Variants in MSI2 observed in about 807,000 individuals in gnomAD.
MSI2 encodes the protein musashi RNA binding protein 2, also known as RNA-binding protein Musashi homolog 2.
MSI2 carries 17 observed loss-of-function variants against 45.6 expected under a neutral mutation model. That is an observed-to-expected ratio of 0.37 (90% CI 0.26 to 0.56). The LOEUF (loss-of-function observed/expected upper bound fraction) is 0.56, where lower values mean the gene tolerates loss of function less well. Among genes scored for constraint, MSI2 ranks in the 20% least tolerant of loss-of-function variants. The probability of loss-of-function intolerance (pLI) is 0.77; values close to 1 mark genes in which losing one functional copy is unlikely to be tolerated. For missense variants in MSI2, 293 were observed against 444.2 expected (o/e 0.66, Z 3.06); for synonymous variants, 156 against 158.2 (o/e 0.99, Z 0.11).
chr17:57,417,690 C>A (rs999720492), intron 6 of MSI2, among the ~76,000 whole-genome samples: 7 of 152,148 alleles, frequency 4.6e-5, no homozygotes, highest in Non-Finnish European at 1.0e-4. Context: ...ATTATTGCCT[C>A]CCGGATGTGA....
At chr17:57,276,730 A>G (rs1020417671) in intron 5 of MSI2, among the ~76,000 whole-genome samples, 7 of 152,140 alleles carry the variant, frequency 4.6e-5, no homozygotes, top group Non-Finnish European at 1.0e-4. Context: ...CTAGCTTCCT[A>G]AAAGGGCCAT....
chr17:57,592,674 A>G (rs1038677628), intron 7 of MSI2, among the ~76,000 whole-genome samples: 1 of 152,154 alleles, frequency 6.6e-6, no homozygotes, highest in African/African-American at 2.4e-5. Context: ...TTTTTGTGAT[A>G]CTTGAATTTT....
intron 6 of MSI2, among the ~76,000 whole-genome samples, chr17:57,471,609 G>A (rs1365399981): frequency 6.6e-6 from 1 of 152,154 alleles, no homozygotes; most frequent in African/African-American, 2.4e-5. Flanking sequence ...CCATGAGGTA[G>A]GCTGGTATTA....
At chr17:57,663,996 A>AT (rs1238024846) in intron 11 of MSI2, among the ~76,000 whole-genome samples, 1 of 149,686 alleles carries the variant, frequency 6.7e-6, no homozygotes, top group East Asian at 1.9e-4. Flanking sequence ...AGTGAGGATG[A>AT]TTAACAGCTT....
At position 57,257,432 on chromosome 17, in the gene MSI2, T is replaced by TCC. The variant is rs148540229; in HGVS notation, c.104-26_104-25dup. 4.8e-4 allele frequency: 500 copies of TCC among 1,034,150 alleles called. 1 individual carries two copies. Among genetic ancestry groups the TCC allele is most frequent in the Middle Eastern group, 2.9e-3 (13 of 4,534 alleles). The allele number at this position is 1,034,150 out of a possible 1,614,324, so 64.1% of individuals were successfully genotyped here. A position where few individuals can be genotyped will look rare whatever the true frequency, so the allele number is the denominator to read the frequency against. ...TTGCTTTTTTTTTCCACACCTTCTC[T>TCC]CCCCCCCCCATCTCTCTCTTTCTCT... On this transcript the variant is annotated intron_variant, in intron 2 of 13. Coordinates refer to ENST00000284073, the MANE Select transcript of MSI2 (RefSeq NM_138962.4).
intron 7 of MSI2, among the ~76,000 whole-genome samples, chr17:57,532,744 G>A (rs1396652369): frequency 6.6e-6 from 1 of 152,214 alleles, no homozygotes; most frequent in Non-Finnish European, 1.5e-5. Flanking sequence ...AAGTGCTGCA[G>A]TGGCAGAAGT....
rs2086193733 is a variant in MSI2 at position 57,504,879 on chromosome 17, C to T, written c.406-24797C>T. On this transcript the variant is annotated intron_variant, in intron 6 of 13. Transcript: ENST00000284073. Reference sequence around the variant, plus strand: ...CTGGGAGGCGGAGGTTGTGGTGAGCCGAGATCACACCATTGCACTCCAGCC... The same window carrying T: ...CTGGGAGGCGGAGGTTGTGGTGAGCTGAGATCACACCATTGCACTCCAGCC... Among the ~76,000 whole-genome samples the T allele has an allele frequency of 3.4e-5, 5 of 148,842 alleles. No homozygotes were observed. The South Asian group carries it at 1.1e-3, about 32-fold the overall frequency.
At chr17:57,492,862 G>A (rs1235120727) in intron 6 of MSI2, among the ~76,000 whole-genome samples, 9 of 152,204 alleles carry the variant, frequency 5.9e-5, no homozygotes, top group Non-Finnish European at 1.5e-5. Context: ...CTCCCAAAGT[G>A]TTGGGATTAC....
At chr17:57,696,347 C>T in the MSI2 span, among the ~76,000 whole-genome samples, 1 of 152,152 alleles carries the variant, frequency 6.6e-6, no homozygotes, top group Admixed American at 6.5e-5. Context: ...ACCATGGAAC[C>T]AGAGCAATCA....
chr17:57,498,400 A>G (rs1598335892), intron 6 of MSI2, among the ~76,000 whole-genome samples: 1 of 152,232 alleles, frequency 6.6e-6, no homozygotes. Flanking sequence ...CGGCCTTACC[A>G]TCTCAATTTG....
rs1034263850 is a variant in MSI2, at chr17:57,407,164, T to A, written c.405+5693T>A. On this transcript the variant is annotated intron_variant, in intron 6 of 13. Coordinates refer to ENST00000284073, the MANE Select transcript of MSI2 (RefSeq NM_138962.4). This position sits in a 1 kb window ranked among gnomAD's most constrained non-coding sequence, Gnocchi z 4.1. ...GGGGAAGAAAAAAAGAAAACAAGAG[T>A]GAATTGTTTTTTTTAATGTAATGAG... 2.0e-5 allele frequency: 3 copies of A among 150,368 alleles called. No individual in the cohort carries two copies. Among genetic ancestry groups the A allele is most frequent in the African/African-American group, 2.5e-5 (1 of 40,806 alleles). 9.3% of individuals were successfully genotyped at this position (150,368 alleles called of 1,614,324 possible).
intron 6 of MSI2, chr17:57,448,343 A>G (rs748613934): frequency 6.6e-6 from 1 of 152,240 alleles, no homozygotes; most frequent in Non-Finnish European, 1.5e-5. Context: ...TATTGTAACA[A>G]TCATGCACAT....
Position 57,652,084 on chromosome 17 carries a change from C to T in MSI2, c.728-15C>T, listed in dbSNP as rs868162018. 3 of 1,613,816 alleles carry T rather than the reference C, an allele frequency of 1.9e-6. No homozygotes were observed. Among genetic ancestry groups the T allele is most frequent in the Non-Finnish European group, 2.5e-6 (3 of 1,179,764 alleles). ...GGATTCCTCCATGACTCAGGCTCCT[C>T]TCTCTCCTGACCAGGCTTCCCAGCA... On this transcript the variant is annotated splice_polypyrimidine_tract_variant and intron_variant, in intron 10 of 13. Transcript: ENST00000284073. This position sits in a 1 kb window ranked among gnomAD's most constrained non-coding sequence, Gnocchi z 4.1.
At chr17:57,551,615 C>G (rs149918452) in intron 7 of MSI2, among the ~76,000 whole-genome samples, 1 of 152,118 alleles carries the variant, frequency 6.6e-6, no homozygotes, top group Non-Finnish European at 1.5e-5. Context: ...TGTTCCCACA[C>G]CCCCCTCTTC....
At chr17:57,435,195 G>A (rs528597104) in intron 6 of MSI2, among the ~76,000 whole-genome samples, 5 of 152,146 alleles carry the variant, frequency 3.3e-5, no homozygotes, top group South Asian at 2.1e-4. Context: ...TCAGAAGCTG[G>A]TTTTGAAGCT....
chr17:57,681,906 G>T lies in MSI2; in HGVS notation c.*2389G>T, dbSNP rs1452429959. 1 of 206,692 alleles carries T rather than the reference G, an allele frequency of 4.8e-6. No individual in the cohort carries two copies. Among genetic ancestry groups the T allele is most frequent in the East Asian group, 7.3e-5 (1 of 13,676 alleles). 12.8% of individuals were successfully genotyped at this position (206,692 alleles called of 1,614,324 possible). A position where few individuals can be genotyped will look rare whatever the true frequency, so the allele number is the denominator to read the frequency against. Reference sequence around the variant, plus strand: ...ATTTAATTCCTATTTTGTCCATGTTGGTGATGTACTGTACTTCCCTTCCTT... The same window carrying T: ...ATTTAATTCCTATTTTGTCCATGTTTGTGATGTACTGTACTTCCCTTCCTT... On this transcript the variant is annotated 3_prime_UTR_variant, in exon 14 of 14. Coordinates refer to ENST00000284073, the MANE Select transcript of MSI2 (RefSeq NM_138962.4).
chr17:57,283,650 A>G (rs909850302), intron 5 of MSI2, among the ~76,000 whole-genome samples: 1 of 152,208 alleles, frequency 6.6e-6, no homozygotes, highest in East Asian at 1.9e-4. Context: ...ACAAACAAAC[A>G]AAAAAACTCG....
intron 8 of MSI2, among the ~76,000 whole-genome samples, chr17:57,598,702 G>T (rs1905514575): frequency 6.6e-6 from 1 of 151,494 alleles, no homozygotes; most frequent in African/African-American, 2.4e-5. Flanking sequence ...TTGCTTTGTT[G>T]CCCTGGCTGG....
chr17:57,521,283 C>G (rs565044115), intron 6 of MSI2, among the ~76,000 whole-genome samples: 1 of 152,256 alleles, frequency 6.6e-6, no homozygotes. Context: ...AACCCCAGGC[C>G]CAGCCCCTGC....
Sources: gnomAD v4.1 joint callset for allele counts (sites outside exome capture counted in the v4.1 genomes callset) on GRCh38, gnomAD v4.1.1 for gene constraint, Gnocchi (gnomAD v3.1) non-coding constraint, MANE v1.5 for transcripts, NCBI Gene and HGNC (gene_info 2026-07-23, HGNC 2026-07-21) for gene names.